ART3: variants seen among roughly 807,000 people sequenced by gnomAD.
ART3 encodes the protein ecto-ADP-ribosyltransferase 3.
Under a neutral mutation model 48.5 loss-of-function variants are expected in ART3, and 49 were observed. The observed-to-expected ratio is 1.01, with a 90% CI of 0.80 to 1.28. ART3 has a LOEUF of 1.28. Among genes scored for constraint, ART3 ranks in the 50% most tolerant of loss-of-function variants. ART3 has a pLI of 0.00. For synonymous variants in ART3, 145 were observed against 157.2 expected (o/e 0.92, Z 0.58); for missense variants, 438 against 454.3 (o/e 0.96, Z 0.33).
chr4:76,091,334 A>G (rs1320110341), intron 3 of ART3, among the ~76,000 whole-genome samples: 1 of 152,234 alleles, frequency 6.6e-6, no homozygotes, highest in Non-Finnish European at 1.5e-5. Context: ...GGTTTTCCAG[A>G]GTACCTGTAC....
rs1722662266 is a variant in ART3 at position 76,082,325 on chromosome 4, C to T, written c.571C>T (p.Pro191Ser). The change falls in exon 3 of 12, where the codon CCT (proline) becomes TCT (serine). Residue 191 changes from proline (P) to serine (S), a missense_variant. Pro to Ser is a moderately conservative substitution (Grantham distance 74, BLOSUM62 -1). Around this residue, in one of 3 missense-constraint regions of ART3, gnomAD observed 5 missense variants for 19.5 expected, o/e 0.26. Transcript: ENST00000355810. ...GHFTLAYSAK[P>S]QAANDQLTVL... The stretch of plus-strand genomic sequence containing the variant: ...TTTTACCTTGGCATATTCAGCCAAA[C>T]CTCAGGCTGCTAATGACCAGCTCAC... 6.2e-7 allele frequency: 1 copy of T among 1,614,076 alleles called. No individual in the cohort carries two copies. Among genetic ancestry groups the T allele is most frequent in the African/African-American group, 1.3e-5 (1 of 74,914 alleles).
chr4:76,013,055 C>T (rs113282381), intron 1 of ART3, among the ~76,000 whole-genome samples: 58 of 152,262 alleles, frequency 3.8e-4, no homozygotes, highest in African/African-American at 1.3e-3. Context: ...GGGAAAACAG[C>T]ATGTACATTA....
intron 1 of ART3, among the ~76,000 whole-genome samples, chr4:76,045,048 G>T (rs1735365146): frequency 6.6e-6 from 1 of 152,190 alleles, no homozygotes; most frequent in Middle Eastern, 3.4e-3. Flanking sequence ...GCTCGGGTAA[G>T]TGCCACTAGT....
chr4:76,097,739 T>C, intron 4 of ART3, 63 bp downstream of exon 4: 2 of 1,363,090 alleles, frequency 1.5e-6, no homozygotes, highest in Non-Finnish European at 2.1e-6. Context: ...CTCATAGCTA[T>C]GGGTCAGAGC....
At chr4:76,034,709 T>C (rs1345188253) in intron 1 of ART3, 2 of 1,026,030 alleles carry the variant, frequency 1.9e-6, no homozygotes, top group African/African-American at 1.6e-5. Flanking sequence ...TACTGTAGAA[T>C]TCTTGTCATT....
chr4:76,043,213 G>A (rs1287685973), intron 1 of ART3, among the ~76,000 whole-genome samples: 1 of 152,078 alleles, frequency 6.6e-6, no homozygotes, highest in Non-Finnish European at 1.5e-5. Flanking sequence ...ACCAGACTCA[G>A]GAGCCCAGCT....
Position 76,107,869 on chromosome 4 carries a change from C to T in ART3, c.1036+76C>T, listed in dbSNP as rs1049726589. On this transcript the variant is annotated intron_variant, in intron 11 of 11. Transcript: ENST00000355810. Reference sequence around the variant, plus strand: ...AGAAAAAGTGAGAAATTTATTTTTCCTCAATAAAGGGAACAAAGTTGCAAG... The same window carrying T: ...AGAAAAAGTGAGAAATTTATTTTTCTTCAATAAAGGGAACAAAGTTGCAAG... The T allele has an allele frequency of 3.2e-6, 4 of 1,237,078 alleles. No individual in the cohort carries two copies. In the African/African-American group the frequency reaches 4.7e-5, roughly 15 times the overall value. 76.6% of individuals were successfully genotyped at this position (1,237,078 alleles called of 1,614,324 possible). A position where few individuals can be genotyped will look rare whatever the true frequency, so the allele number is the denominator to read the frequency against.
At chr4:76,019,644 C>T (rs958981817) in intron 1 of ART3, among the ~76,000 whole-genome samples, 2 of 148,928 alleles carry the variant, frequency 1.3e-5, no homozygotes, top group African/African-American at 5.0e-5. Context: ...TTAGTAGAGA[C>T]AGGGTTTCAC....
rs548356549 is a variant in ART3 at position 76,022,521 on chromosome 4, G to A, written c.-10+11201G>A. The A allele has an allele frequency of 5.5e-5, 84 of 1,524,604 alleles. No individual in the cohort carries two copies. The East Asian group carries it at 1.3e-3, about 24-fold the overall frequency. 94.4% of individuals were successfully genotyped at this position (1,524,604 alleles called of 1,614,324 possible). A position where few individuals can be genotyped will look rare whatever the true frequency, so the allele number is the denominator to read the frequency against. On this transcript the variant is annotated intron_variant, in intron 1 of 9. Coordinates refer to the ART3 transcript ENST00000341029. ...TGGGTCAATAAAACAGATGGCATAC[G>A]CAGTTCTGAAGTCAGACATTTAAGT...
intron 3 of ART3, among the ~76,000 whole-genome samples, 158 bp downstream of exon 3, chr4:76,082,693 A>G (rs992560855): frequency 1.3e-5 from 2 of 152,138 alleles, no homozygotes; most frequent in Non-Finnish European, 2.9e-5. Flanking sequence ...AGTTAATTTT[A>G]TGAAAATTGT....
At chr4:76,015,046 A>G (rs1220123325) in intron 1 of ART3, among the ~76,000 whole-genome samples, 1 of 152,244 alleles carries the variant, frequency 6.6e-6, no homozygotes, top group East Asian at 1.9e-4. Flanking sequence ...TGCTCTACAC[A>G]ACATATTGAA....
rs1196977921 is a variant in ART3, at chr4:76,082,422, C to G, written c.668C>G (p.Thr223Ser). 1 of 1,613,870 alleles carries G rather than the reference C, an allele frequency of 6.2e-7. No homozygotes were observed. The highest frequency in any genetic ancestry group is 8.5e-7 in the Non-Finnish European group (1 of 1,180,040). Residue 223 changes from threonine to serine, a missense_variant, in exon 3 of 12, where the codon ACT becomes AGT. Thr to Ser is a moderately conservative substitution (Grantham distance 58). This residue lies in a region of ART3 where 227 missense variants were observed against 229.6 expected (regional missense o/e 0.99). Coordinates refer to ENST00000355810, the MANE Select transcript of ART3 (RefSeq NM_001130016.3). ...CTTGATAAAGAAAGTGAAAGAATTA[C>G]TTTAATACCTCTGAATGAGGTTTTT... is the stretch of plus-strand genomic sequence containing the variant. ...NFLDKESERI[T>S]LIPLNEVFQV...
chr4:76,067,872 A>C (rs867314294), intron 1 of ART3, among the ~76,000 whole-genome samples: 11 of 152,300 alleles, frequency 7.2e-5, no homozygotes, highest in African/African-American at 2.6e-4. Flanking sequence ...GCCTTCCCCG[A>C]GGTATCTGAT....
At chr4:76,091,712 C>T (rs1451452825) in intron 3 of ART3, among the ~76,000 whole-genome samples, 3 of 141,146 alleles carry the variant, frequency 2.1e-5, no homozygotes, top group East Asian at 4.1e-4. Flanking sequence ...GACAGAGTCT[C>T]GCTCTGTCAC....
At chr4:76,049,513 G>A (rs530552279) in intron 1 of ART3, among the ~76,000 whole-genome samples, 26 of 151,998 alleles carry the variant, frequency 1.7e-4, no homozygotes, top group Admixed American at 1.4e-3. Flanking sequence ...GCAAACCAAC[G>A]GTCCCAACTC....
chr4:76,032,058 G>A (rs1008738735), intron 1 of ART3, among the ~76,000 whole-genome samples: 38 of 152,102 alleles, frequency 2.5e-4, no homozygotes, highest in African/African-American at 8.7e-4. Context: ...AAGGTGGGGA[G>A]GATCTTGGCT....
chr4:76,104,073 C>A, intron 9 of ART3, 104 bp downstream of exon 9: 4 of 1,249,910 alleles, frequency 3.2e-6, no homozygotes, highest in Non-Finnish European at 4.6e-6. Context: ...ATGAATATTT[C>A]CCTTATAGCT....
chr4:76,046,226 G>A (rs969572535), intron 1 of ART3, among the ~76,000 whole-genome samples: 2 of 152,026 alleles, frequency 1.3e-5, no homozygotes, highest in Non-Finnish European at 2.9e-5. Flanking sequence ...ATCCTCAAAA[G>A]CAAAGAGAAA....
chr4:76,048,076 TC>T (rs1211752669), intron 1 of ART3, among the ~76,000 whole-genome samples: 2 of 151,898 alleles, frequency 1.3e-5, no homozygotes, highest in African/African-American at 4.8e-5. Context: ...TTTGCTTATT[TC>T]CTTCTGGGCA....
Sources: allele counts gnomAD v4.1 joint callset (sites outside exome capture counted in the v4.1 genomes callset), GRCh38; gene constraint gnomAD v4.1.1; regional missense constraint gnomAD v4.1.1; transcripts MANE v1.5; gene names NCBI Gene and HGNC (gene_info 2026-07-23, HGNC 2026-07-21).